HSD11B1: variants seen among roughly 807,000 people sequenced by gnomAD.
HSD11B1 encodes hydroxysteroid 11-beta dehydrogenase 1.
Under a neutral mutation model 22.1 loss-of-function variants are expected in HSD11B1, and 15 were observed. The ratio of observed to expected loss-of-function variants is 0.68; its 90% CI spans 0.45 to 1.04. The LOEUF (loss-of-function observed/expected upper bound fraction) is 1.04. Among genes scored for constraint, HSD11B1 ranks in the 50% least tolerant of loss-of-function variants. The pLI is 0.00. For synonymous variants in HSD11B1, 122 were observed against 125.2 expected, an observed-to-expected ratio of 0.97 and a Z score of 0.17; for missense variants, 281 against 357.6, an observed-to-expected ratio of 0.79 and a Z score of 1.73.
At position 209,719,996 on chromosome 1, in the gene HSD11B1, T is replaced by TAAATG. The variant is rs200377907; in HGVS notation, c.518-12438_518-12434dup. On this transcript the variant is annotated intron_variant, in intron 4 of 5. Coordinates refer to ENST00000367027, the MANE Select transcript of HSD11B1 (RefSeq NM_005525.4). ...ACAGCATCAGGAGAAATACCTAATGTAAATGATGAGTTAATGGATGCAGCA... is the reference window on the plus strand; with the variant it reads ...ACAGCATCAGGAGAAATACCTAATGTAAATGAAATGATGAGTTAATGGATGCAGCA... Among the ~76,000 whole-genome samples, 483 of 152,316 alleles carry TAAATG rather than the reference T, an allele frequency of 3.2e-3. 10 individuals carry two copies. The highest frequency in any genetic ancestry group is 0.029 in the Admixed American group (438 of 15,292).
intron 1 of HSD11B1, among the ~76,000 whole-genome samples, chr1:209,688,965 A>G (rs982001360): frequency 6.6e-6 from 1 of 152,220 alleles, no homozygotes; most frequent in African/African-American, 2.4e-5. Context: ...GGGAAGCCTC[A>G]GGAGTTGGAG....
chr1:209,712,117 A>G (rs1192840643), intron 4 of HSD11B1, among the ~76,000 whole-genome samples: 2 of 152,240 alleles, frequency 1.3e-5, no homozygotes, highest in East Asian at 3.8e-4. Flanking sequence ...GGCTTACAAC[A>G]AATACATTCT....
At chr1:209,728,214 G>A (rs1336444202) in intron 4 of HSD11B1, among the ~76,000 whole-genome samples, 1 of 152,082 alleles carries the variant, frequency 6.6e-6, no homozygotes, top group Non-Finnish European at 1.5e-5. Flanking sequence ...GCTTATTTTA[G>A]TTTTTTACTT....
At chr1:209,690,478 C>T (rs775558091) in intron 1 of HSD11B1, among the ~76,000 whole-genome samples, 6 of 152,092 alleles carry the variant, frequency 3.9e-5, no homozygotes, top group Non-Finnish European at 7.4e-5. Flanking sequence ...GAGCGGATCA[C>T]CTGAGGTCAG....
In HSD11B1 at chr1:209,727,080, G is replaced by A. The variant is rs555435447; in HGVS notation, c.518-5356G>A. On this transcript the variant is annotated intron_variant, in intron 4 of 5. Transcript: ENST00000367027. ...AAGATCTCAAGATGAAATCATTCCC[G>A]ATTATCTGAGAGGCCCTGAATCCAA... 1.5e-3 allele frequency among the ~76,000 whole-genome samples: 228 copies of A among 152,228 alleles called. 1 individual carries two copies. The highest frequency in any genetic ancestry group is 5.2e-3 in the African/African-American group (218 of 41,548).
At position 209,734,243 on chromosome 1, in the gene HSD11B1, G is replaced by T. The variant is rs978024792; in HGVS notation, c.662-61G>T. On this transcript the variant is annotated intron_variant, in intron 5 of 5. Coordinates refer to ENST00000367027, the MANE Select transcript of HSD11B1 (RefSeq NM_005525.4). Reference sequence around the variant, plus strand: ...ACAGCTAAGTGGTTGATGTCTCCAGGCCTTCCATCATGTAGACTGTCCTAG... The same window carrying T: ...ACAGCTAAGTGGTTGATGTCTCCAGTCCTTCCATCATGTAGACTGTCCTAG... The T allele has an allele frequency of 4.4e-6, 6 of 1,348,808 alleles. No individual in the cohort carries two copies. The African/African-American group carries it at 8.6e-5, about 19-fold the overall frequency. The allele number at this position is 1,348,808 out of a possible 1,614,324, so 83.6% of individuals were successfully genotyped here. A position where few individuals can be genotyped will look rare whatever the true frequency, so the allele number is the denominator to read the frequency against.
In HSD11B1 at chr1:209,734,157, C is replaced by T. The variant is rs1034388767; in HGVS notation, c.662-147C>T. 6 of 680,156 alleles carry T rather than the reference C, an allele frequency of 8.8e-6. No individual in the cohort carries two copies. The African/African-American group carries it at 1.1e-4, about 12-fold the overall frequency. 42.1% of individuals were successfully genotyped at this position (680,156 alleles called of 1,614,324 possible). A position where few individuals can be genotyped will look rare whatever the true frequency, so the allele number is the denominator to read the frequency against. Reference sequence around the variant, plus strand: ...CAACAGACTCTAACATACCCAGTCTCTCCATGTATTCCCTATAGTGCCTGT... The same window carrying T: ...CAACAGACTCTAACATACCCAGTCTTTCCATGTATTCCCTATAGTGCCTGT... On this transcript the variant is annotated intron_variant, in intron 5 of 5. Coordinates refer to ENST00000367027, the MANE Select transcript of HSD11B1 (RefSeq NM_005525.4).
At chr1:209,716,772 AT>A (rs2102384104) in intron 4 of HSD11B1, among the ~76,000 whole-genome samples, 1 of 152,322 alleles carries the variant, frequency 6.6e-6, no homozygotes, top group Non-Finnish European at 1.5e-5. Context: ...CAGCCAAGTG[AT>A]TTTCAACAAA....
rs140846540 is a variant in HSD11B1, at chr1:209,705,210, A to C, written c.88+180A>C. ...AGGCTGTGGACAGGGGGGACTGTGT[A>C]GGAAGGGTAATCGTGTAGCCAAAAT... On this transcript the variant is annotated intron_variant, in intron 1 of 5. Coordinates refer to ENST00000367027, the MANE Select transcript of HSD11B1 (RefSeq NM_005525.4). 3.8e-3 allele frequency among the ~76,000 whole-genome samples: 572 copies of C among 152,232 alleles called. 2 individuals are homozygous for C. The highest frequency in any genetic ancestry group is 0.012 in the African/African-American group (514 of 41,538).
chr1:209,688,989 T>C (rs1475268750), intron 1 of HSD11B1, among the ~76,000 whole-genome samples: 1 of 151,808 alleles, frequency 6.6e-6, no homozygotes, highest in Admixed American at 6.6e-5. Context: ...CAGGTGGGGG[T>C]AAACATAGCA....
intron 4 of HSD11B1, among the ~76,000 whole-genome samples, chr1:209,721,407 A>G (rs946493356): frequency 4.0e-5 from 6 of 151,866 alleles, no homozygotes; most frequent in African/African-American, 1.5e-4. Context: ...CAGCAGAAAA[A>G]AAAAATAGGT....
chr1:209,710,740 C>T (rs1186251181), intron 4 of HSD11B1, among the ~76,000 whole-genome samples: 1 of 152,114 alleles, frequency 6.6e-6, no homozygotes, highest in Non-Finnish European at 1.5e-5. Flanking sequence ...TTTAAATATT[C>T]AAAATGAAAA....
intron 4 of HSD11B1, among the ~76,000 whole-genome samples, chr1:209,723,607 C>T (rs2076981846): frequency 6.6e-6 from 1 of 152,202 alleles, no homozygotes; most frequent in South Asian, 2.1e-4. Flanking sequence ...GGTAAGATGT[C>T]TAGTCATGTG....
At chr1:209,701,177 C>T (rs1038287830), upstream of HSD11B1, among the ~76,000 whole-genome samples, 18 of 152,298 alleles carry the variant, frequency 1.2e-4, no homozygotes, top group African/African-American at 3.9e-4. Context: ...CATTTTAACA[C>T]TGCTGATAAA....
In HSD11B1 at chr1:209,734,296, T is replaced by C; in HGVS notation, c.662-8T>C. 1 of 1,609,480 alleles carries C rather than the reference T, an allele frequency of 6.2e-7. No individual in the cohort carries two copies. Among genetic ancestry groups the C allele is most frequent in the Non-Finnish European group, 8.5e-7 (1 of 1,176,310 alleles). On this transcript the variant is annotated splice_polypyrimidine_tract_variant and splice_region_variant and intron_variant, in intron 5 of 5. Transcript: ENST00000367027. ...AGATAACCCTACTCTTCCCTTGTCATTCTATAGAAACAGCCATGAAGGCAG... is the reference window on the plus strand; with the variant it reads ...AGATAACCCTACTCTTCCCTTGTCACTCTATAGAAACAGCCATGAAGGCAG...
intron 4 of HSD11B1, among the ~76,000 whole-genome samples, chr1:209,727,655 G>A (rs2077011903): frequency 6.6e-6 from 1 of 152,178 alleles, no homozygotes; most frequent in African/African-American, 2.4e-5. Flanking sequence ...AGTCAAATTT[G>A]AATCCTGGTT....
At chr1:209,687,959 C>T (rs2076737990) in intron 1 of HSD11B1, among the ~76,000 whole-genome samples, 1 of 152,180 alleles carries the variant, frequency 6.6e-6, no homozygotes, top group Non-Finnish European at 1.5e-5. Flanking sequence ...TTTTACATGT[C>T]TCATTTCTTT....
intron 4 of HSD11B1, among the ~76,000 whole-genome samples, chr1:209,709,193 G>T (rs2076879360): frequency 6.6e-6 from 1 of 152,162 alleles, no homozygotes; most frequent in African/African-American, 2.4e-5. Flanking sequence ...ACCTTAAGTT[G>T]TTTATTGAGT....
Position 209,705,002 on chromosome 1 carries a change from C to T in HSD11B1, c.60C>T (p.Tyr20=). 2 of 1,613,806 alleles carry T rather than the reference C, an allele frequency of 1.2e-6. No individual in the cohort carries two copies. The highest frequency in any genetic ancestry group is 2.2e-5 in the South Asian group (2 of 91,070). ...TGGGGCTCTTCATGGCCTACTACTA[C>T]TATTCTGCAAACGAGGAATTCAGAC... ...PILGLFMAYY[Y]YSANEEFRPE... is the part of the protein sequence containing the mutation. Residue 20 remains tyrosine (Y), a synonymous_variant, in exon 1 of 6, where the codon TAC becomes TAT. Transcript: ENST00000367027.
Sources: allele counts gnomAD v4.1 joint callset (sites outside exome capture counted in the v4.1 genomes callset), GRCh38; gene constraint gnomAD v4.1.1; transcripts MANE v1.5; gene names NCBI Gene and HGNC (gene_info 2026-07-23, HGNC 2026-07-21).